Variants in SRL observed in about 807,000 individuals in gnomAD.
The protein encoded by SRL is sarcalumenin.
Under a neutral mutation model 39.5 loss-of-function variants are expected in SRL, and 23 were observed. The observed-to-expected ratio is 0.58, with a 90% confidence interval of 0.42 to 0.82. The LOEUF is 0.82. Ranked by LOEUF, SRL falls within the 40% of genes least tolerant of loss-of-function variation. The pLI, the probability that SRL is intolerant of heterozygous loss-of-function variation, is 0.00. For synonymous variants in SRL, 272 were observed against 237.4 expected, an observed-to-expected ratio of 1.15 and a Z score of -1.34; for missense variants, 592 against 607.8, an observed-to-expected ratio of 0.97 and a Z score of 0.27.
intron 2 of SRL, among the ~76,000 whole-genome samples, chr16:4,203,468 C>T (rs1443081899): frequency 6.6e-6 from 1 of 152,188 alleles, no homozygotes; most frequent in Non-Finnish European, 1.5e-5. Flanking sequence ...AATGAAAAGG[C>T]ATTCTCCTAC....
Position 4,223,288 on chromosome 16 carries a change from G to GA in SRL, c.62-18655dup, listed in dbSNP as rs1193250875. On this transcript the variant is annotated intron_variant, in intron 1 of 5. Transcript: ENST00000399609. ...TCCTAACGTTTGGGGCTCGATGATT[G>GA]AAAAAAAAGAAAGAAAAAGAAAAGT... Among the ~76,000 whole-genome samples, 8 of 148,270 alleles carry GA rather than the reference G, an allele frequency of 5.4e-5. No homozygotes were observed. In the East Asian group the frequency reaches 1.6e-3, roughly 29 times the overall value.
intron 4 of SRL, among the ~76,000 whole-genome samples, chr16:4,197,070 T>TC (rs1428543950): frequency 9.2e-4 from 76 of 82,958 alleles, no homozygotes; most frequent in African/African-American, 3.4e-3. Context: ...CTTTTTTTTT[T>TC]TTTTTTTTTT....
chr16:4,192,082 AAACC>A lies in SRL; in HGVS notation c.*67_*70del. On this transcript the variant is annotated 3_prime_UTR_variant, in exon 6 of 6. Coordinates refer to ENST00000399609, the MANE Select transcript of SRL (RefSeq NM_001098814.2). This position sits in a 1 kb window ranked among gnomAD's most constrained non-coding sequence, Gnocchi z 4.0. ...TGCCAGTGTGGCTCAAAGGGTTAAT[AAACC>A]AGGACCTCTCAGACAGTTAGGACAC... The A allele has an allele frequency of 4.8e-6, 7 of 1,468,668 alleles. No individual in the cohort carries two copies. The highest frequency in any genetic ancestry group is 5.5e-6 in the Non-Finnish European group (6 of 1,091,190). The allele number at this position is 1,468,668 out of a possible 1,614,324, so 91.0% of individuals were successfully genotyped here. A position where few individuals can be genotyped will look rare whatever the true frequency, so the allele number is the denominator to read the frequency against.
chr16:4,222,181 T>A (rs2052538384), intron 1 of SRL, among the ~76,000 whole-genome samples: 1 of 152,120 alleles, frequency 6.6e-6, no homozygotes, highest in South Asian at 2.1e-4. Context: ...ACATTTCAGA[T>A]CTCAGCTTTG....
intron 1 of SRL, 112 bp downstream of exon 1, chr16:4,241,895 A>G (rs988923173): frequency 1.9e-5 from 22 of 1,138,622 alleles, no homozygotes; most frequent in Non-Finnish European, 2.7e-5. Context: ...ACCAGCCAAG[A>G]GCCAGGGTTT....
chr16:4,239,696 A>C (rs56271233), intron 1 of SRL: 8,253 of 152,296 alleles, frequency 0.054, 780 homozygotes, highest in African/African-American at 0.19. Flanking sequence ...CGGGCTGAGG[A>C]AAGGAGAGGA....
chr16:4,206,429 G>C (rs139133652), intron 1 of SRL, among the ~76,000 whole-genome samples: 1 of 152,060 alleles, frequency 6.6e-6, no homozygotes, highest in Non-Finnish European at 1.5e-5. Flanking sequence ...CCATTAGCTC[G>C]CTGCTCCTTT....
chr16:4,213,404 C>CTTTTTCTCTTTTTTTTT (rs1237775177), intron 1 of SRL, among the ~76,000 whole-genome samples: 1 of 69,586 alleles, frequency 1.4e-5, no homozygotes, highest in African/African-American at 8.2e-5. Context: ...TTTTCTTTTT[C>CTTTTTCTCTTTTTTTTT]TTTTTTTTTT....
chr16:4,220,568 C>T (rs952721576), intron 1 of SRL, among the ~76,000 whole-genome samples: 3 of 152,196 alleles, frequency 2.0e-5, no homozygotes, highest in South Asian at 2.1e-4. Flanking sequence ...GGGTGAGCTG[C>T]AGGCTCCATC....
chr16:4,201,945 C>A (rs555454510), intron 3 of SRL, among the ~76,000 whole-genome samples: 3 of 152,066 alleles, frequency 2.0e-5, no homozygotes, highest in Non-Finnish European at 4.4e-5. Flanking sequence ...TGAGCCACCA[C>A]GCCCGCCCCT....
At chr16:4,202,771 C>A (rs1037890215) in intron 3 of SRL, among the ~76,000 whole-genome samples, 1 of 152,028 alleles carries the variant, frequency 6.6e-6, no homozygotes, top group Admixed American at 6.6e-5. Flanking sequence ...GGGGAAGGAA[C>A]GGAGTGATCA....
At position 4,192,501 on chromosome 16, in the gene SRL, C is replaced by T; in HGVS notation, c.1074G>A (p.Met358Ile). The change falls in exon 6 of 6, where the codon ATG becomes ATA. Residue 358 changes from methionine (M) to isoleucine (I), a missense_variant. Coordinates refer to ENST00000399609, the MANE Select transcript of SRL (RefSeq NM_001098814.2). The surrounding 1 kb of genome is among the most constrained non-coding windows in gnomAD (Gnocchi z 4.0). ...CCAGTTCTCCATCACTGAAGAAGGT[C>T]ATTTTGTCCTTGTAAGTCTGCAGGT... ...DRYLQTYKDK[M>I]TFFSDGELVF... 1 of 1,614,166 alleles carries T rather than the reference C, an allele frequency of 6.2e-7. No homozygotes were observed. Among genetic ancestry groups the T allele is most frequent in the Non-Finnish European group, 8.5e-7 (1 of 1,180,042 alleles).
At chr16:4,213,665 C>T (rs1199138368) in intron 1 of SRL, among the ~76,000 whole-genome samples, 1 of 152,004 alleles carries the variant, frequency 6.6e-6, no homozygotes, top group Non-Finnish European at 1.5e-5. Context: ...CCCACCTCAG[C>T]CTCCCAAAGT....
rs2052172376 is a variant in SRL at position 4,198,006 on chromosome 16, T to C, written c.260-91A>G. The C allele has an allele frequency of 5.8e-6, 5 of 857,094 alleles. No homozygotes were observed. The East Asian group carries it at 1.2e-4, about 21-fold the overall frequency. The allele number at this position is 857,094 out of a possible 1,614,324, so 53.1% of individuals were successfully genotyped here. On this transcript the variant is annotated intron_variant, in intron 3 of 5. Coordinates refer to ENST00000399609, the MANE Select transcript of SRL (RefSeq NM_001098814.2). The stretch of plus-strand genomic sequence containing the variant: ...GTACTCCAAAGCATCTCACCGTCCA[T>C]CCAACTGAGTTGTGGAATTCTCCAT...
chr16:4,195,348 G>A (rs11076819), intron 5 of SRL, among the ~76,000 whole-genome samples: 4 of 151,516 alleles, frequency 2.6e-5, no homozygotes, highest in Non-Finnish European at 2.9e-5. Flanking sequence ...AGGCACATGC[G>A]AACATGCCTG....
chr16:4,197,400 A>C (rs555930080), intron 4 of SRL, among the ~76,000 whole-genome samples: 10 of 137,040 alleles, frequency 7.3e-5, no homozygotes, highest in African/African-American at 2.7e-4. Flanking sequence ...TAACACGTGC[A>C]TGTGGCATAA....
chr16:4,231,088 T>A (rs976805111), intron 1 of SRL, among the ~76,000 whole-genome samples: 4 of 152,062 alleles, frequency 2.6e-5, no homozygotes, highest in Non-Finnish European at 5.9e-5. Flanking sequence ...GAGGCCAAGG[T>A]AGGATCACTT....
intron 3 of SRL, among the ~76,000 whole-genome samples, 177 bp from the exon 4 acceptor site, chr16:4,198,092 T>TA (rs1186808852): frequency 1.3e-5 from 2 of 152,186 alleles, no homozygotes; most frequent in Non-Finnish European, 2.9e-5. Flanking sequence ...GATCACCCAG[T>TA]AAAAAGACAC....
intron 1 of SRL, among the ~76,000 whole-genome samples, chr16:4,218,424 A>G (rs1202777024): frequency 6.6e-6 from 1 of 152,148 alleles, no homozygotes; most frequent in Non-Finnish European, 1.5e-5. Flanking sequence ...TCCTCATGGT[A>G]AGTGAGCACT....
Sources: gnomAD v4.1 joint callset for allele counts (sites outside exome capture counted in the v4.1 genomes callset) on GRCh38, gnomAD v4.1.1 for gene constraint, Gnocchi (gnomAD v3.1) non-coding constraint, MANE v1.5 for transcripts, NCBI Gene and HGNC (gene_info 2026-07-23, HGNC 2026-07-21) for gene names.